SLC7A5: variants seen among roughly 807,000 people sequenced by gnomAD.
SLC7A5 encodes the protein solute carrier family 7 member 5.
SLC7A5 carries 23 observed loss-of-function variants against 50.2 expected under a neutral mutation model. The ratio of observed to expected loss-of-function variants is 0.46; its 90% CI spans 0.33 to 0.65. The LOEUF (loss-of-function observed/expected upper bound fraction) is 0.65. Ranked by LOEUF, SLC7A5 falls within the 30% of genes least tolerant of loss-of-function variation. The probability of loss-of-function intolerance (pLI) is 0.02; values close to 1 mark genes in which losing one functional copy is unlikely to be tolerated. For missense variants in SLC7A5, 578 were observed against 684.4 expected (o/e 0.84, Z 1.73); for synonymous variants, 393 against 330.6 (o/e 1.19, Z -2.05).
At position 87,835,884 on chromosome 16, in the gene SLC7A5, G is replaced by A. The variant is rs549123303; in HGVS notation, c.1290+614C>T. On this transcript the variant is annotated intron_variant, in intron 8 of 9. Coordinates refer to ENST00000261622, the MANE Select transcript of SLC7A5 (RefSeq NM_003486.7). ...GCAGGGGCTACTGTGACAGCCATAG[G>A]CCAGCTGAGTGACAAAAGCTGCTGG... is the stretch of plus-strand genomic sequence containing the variant. 3.9e-5 allele frequency among the ~76,000 whole-genome samples: 6 copies of A among 152,350 alleles called. No homozygotes were observed. In the South Asian group the frequency reaches 6.2e-4, roughly 16 times the overall value.
intron 8 of SLC7A5, among the ~76,000 whole-genome samples, chr16:87,835,733 C>T (rs1005632919): frequency 5.9e-5 from 9 of 152,228 alleles, no homozygotes; most frequent in African/African-American, 2.2e-4. Flanking sequence ...CTCGGCCTCC[C>T]AAAGTGCTGG....
rs2055404717 is a variant in SLC7A5 at position 87,862,042 on chromosome 16, G to A, written c.538+6843C>T. 6.6e-6 allele frequency among the ~76,000 whole-genome samples: 1 copy of A among 152,222 alleles called. No individual in the cohort carries two copies. The highest frequency in any genetic ancestry group is 6.5e-5 in the Admixed American group (1 of 15,282). On this transcript the variant is annotated intron_variant, in intron 1 of 9. Coordinates refer to ENST00000261622, the MANE Select transcript of SLC7A5 (RefSeq NM_003486.7). This position sits in a 1 kb window ranked among gnomAD's most constrained non-coding sequence, Gnocchi z 5.3. ...CTGAGCCAGGATCCCAGCTGTGGGG[G>A]GTTGGGGGTGGAGGGGTGCAGGGAT...
At chr16:87,848,221 A>G (rs1023356259) in intron 2 of SLC7A5, among the ~76,000 whole-genome samples, 1 of 152,232 alleles carries the variant, frequency 6.6e-6, no homozygotes, top group Non-Finnish European at 1.5e-5. Context: ...CTTTTTTTTA[A>G]ATCTGCCCAA....
In SLC7A5 at chr16:87,861,266, G is replaced by A. The variant is rs914335362; in HGVS notation, c.538+7619C>T. Among the ~76,000 whole-genome samples, 2 of 152,168 alleles carry A rather than the reference G, an allele frequency of 1.3e-5. No homozygotes were observed. The highest frequency in any genetic ancestry group is 2.9e-5 in the Non-Finnish European group (2 of 68,018). On this transcript the variant is annotated intron_variant, in intron 1 of 9. Coordinates refer to ENST00000261622, the MANE Select transcript of SLC7A5 (RefSeq NM_003486.7). This position sits in a 1 kb window ranked among gnomAD's most constrained non-coding sequence, Gnocchi z 4.2. Reference sequence around the variant, plus strand: ...AGTCTGGGAAGGATGGAGAAGGGTGGAGGAGCGCAAAGGGCCCCTAGGGGA... The same window carrying A: ...AGTCTGGGAAGGATGGAGAAGGGTGAAGGAGCGCAAAGGGCCCCTAGGGGA...
intron 2 of SLC7A5, among the ~76,000 whole-genome samples, chr16:87,843,347 C>CTTTTTTTTT (rs60307560): frequency 3.3e-4 from 21 of 63,322 alleles, no homozygotes; most frequent in African/African-American, 1.0e-3. Context: ...GCCTGAGTAA[C>CTTTTTTTTT]TTTTTTTTTT....
In SLC7A5 at chr16:87,851,731, G is replaced by C. The variant is rs777869802; in HGVS notation, c.657C>G (p.Ile219Met). ...ALIILLGFVQIGKGDVSNLDP... is the reference protein window; with the variant it reads ...ALIILLGFVQMGKGDVSNLDP... The stretch of plus-strand genomic sequence containing the variant: ...CCTGGGGGACGTACTCACCCTTCCC[G>C]ATCTGGACGAAGCCCAGCAGGATGA... Residue 219 changes from isoleucine (I) to methionine (M), a missense_variant, in exon 2 of 10, where the codon ATC becomes ATG. This residue lies in a region of SLC7A5 where 465 missense variants were observed against 594.6 expected (regional missense o/e 0.78). Transcript: ENST00000261622. 15 of 1,612,704 alleles carry C rather than the reference G, an allele frequency of 9.3e-6. No individual in the cohort carries two copies. The highest frequency in any genetic ancestry group is 1.7e-4 in the Middle Eastern group (1 of 6,058).
intron 2 of SLC7A5, among the ~76,000 whole-genome samples, chr16:87,843,384 T>C (rs928667459): frequency 2.5e-5 from 2 of 80,722 alleles, no homozygotes; most frequent in African/African-American, 1.1e-4. Flanking sequence ...TTTTTTTTTT[T>C]TTGAGACAGA....
chr16:87,867,064 C>T (rs1405883055), intron 1 of SLC7A5, among the ~76,000 whole-genome samples: 6 of 151,452 alleles, frequency 4.0e-5, no homozygotes, highest in South Asian at 4.2e-4. Context: ...GGATTACAGG[C>T]GTGAGCCACT....
At position 87,860,359 on chromosome 16, in the gene SLC7A5, C is replaced by T. The variant is rs1396526992; in HGVS notation, c.539-8510G>A. Among the ~76,000 whole-genome samples the T allele has an allele frequency of 4.1e-4, 54 of 131,918 alleles. 1 individual carries two copies. Among genetic ancestry groups the T allele is most frequent in the African/African-American group, 1.3e-3 (44 of 33,330 alleles). The allele number at this position is 131,918 out of a possible 152,430, so 86.5% of individuals were successfully genotyped here. ...AAAAAAATACACACACACACACACA[C>T]ACACACACACACACACACACACACA... is the stretch of plus-strand genomic sequence containing the variant. On this transcript the variant is annotated intron_variant, in intron 1 of 9. Transcript: ENST00000261622. This position sits in a 1 kb window ranked among gnomAD's most constrained non-coding sequence, Gnocchi z 4.8.
At chr16:87,848,745 C>T (rs924070472) in intron 2 of SLC7A5, among the ~76,000 whole-genome samples, 3 of 152,336 alleles carry the variant, frequency 2.0e-5, no homozygotes, top group East Asian at 1.9e-4. Context: ...TTCCCCACTG[C>T]GACTCTCCCA....
intron 7 of SLC7A5, 156 bp downstream of exon 7, chr16:87,837,689 C>T (rs985773730): frequency 3.1e-5 from 19 of 621,708 alleles, no homozygotes; most frequent in Middle Eastern, 4.4e-4. Flanking sequence ...GCCCCTCCAG[C>T]GCTCTCTGGC....
chr16:87,845,424 G>A (rs1384757856), intron 2 of SLC7A5, among the ~76,000 whole-genome samples: 5 of 151,688 alleles, frequency 3.3e-5, no homozygotes, highest in African/African-American at 1.2e-4. Flanking sequence ...CCACCCCACA[G>A]AGTCCACGCC....
At position 87,834,405 on chromosome 16, in the gene SLC7A5, G is replaced by C; in HGVS notation, c.1468+9C>G. The stretch of plus-strand genomic sequence containing the variant: ...GGTACCACGGGCTGTGGGCCAGCGA[G>C]ATACTCACAGATGCCCTGGAGGAGC... On this transcript the variant is annotated intron_variant, in intron 9 of 9. Transcript: ENST00000261622. 6.4e-7 allele frequency: 1 copy of C among 1,552,392 alleles called. No individual in the cohort carries two copies.
At chr16:87,865,134 G>A (rs2055444324) in intron 1 of SLC7A5, among the ~76,000 whole-genome samples, 1 of 152,098 alleles carries the variant, frequency 6.6e-6, no homozygotes, top group African/African-American at 2.4e-5. Context: ...CTTACACACA[G>A]GGGCAAGAAT....
At chr16:87,855,199 C>T (rs544300787) in intron 1 of SLC7A5, among the ~76,000 whole-genome samples, 18 of 152,352 alleles carry the variant, frequency 1.2e-4, no homozygotes, top group Admixed American at 2.6e-4. Context: ...GCTCTCGCCA[C>T]GTGCCCTGCT....
intron 4 of SLC7A5, 50 bp from the exon 5 acceptor site, chr16:87,839,875 C>A (rs1013217512): frequency 6.2e-7 from 1 of 1,611,178 alleles, no homozygotes; most frequent in Non-Finnish European, 8.5e-7. Context: ...GGGCTGAAGG[C>A]CAAACCCTGT....
chr16:87,850,368 GGGTGAGGACCTTCCTGCC>G (rs1567495506), intron 2 of SLC7A5, among the ~76,000 whole-genome samples: 1 of 152,172 alleles, frequency 6.6e-6, no homozygotes, highest in Non-Finnish European at 1.5e-5. Flanking sequence ...ACAGCTTGCT[GGGTGAGGACCTTCCTGCC>G]TCTAGGAGCA....
chr16:87,857,516 C>G (rs1272158927), intron 1 of SLC7A5, among the ~76,000 whole-genome samples: 1 of 152,244 alleles, frequency 6.6e-6, no homozygotes, highest in Non-Finnish European at 1.5e-5. Flanking sequence ...CTCCTGACCT[C>G]AGGCGATCCG....
chr16:87,863,986 A>AAAATATATATATATATATATATAT (rs376938738), intron 1 of SLC7A5, among the ~76,000 whole-genome samples: 17 of 83,278 alleles, frequency 2.0e-4, no homozygotes, highest in Admixed American at 5.6e-4. Context: ...ATCATTTAAA[A>AAAATATATATATATATATATATAT]ATATATATAT....
Sources: gnomAD v4.1 joint callset for allele counts (sites outside exome capture counted in the v4.1 genomes callset) on GRCh38, gnomAD v4.1.1 for gene constraint, gnomAD v4.1.1 regional missense constraint, Gnocchi (gnomAD v3.1) non-coding constraint, MANE v1.5 for transcripts, NCBI Gene and HGNC (gene_info 2026-07-23, HGNC 2026-07-21) for gene names.